PCDHGA1: variants seen among roughly 807,000 people sequenced by gnomAD.
PCDHGA1 encodes the protein protocadherin gamma-A1.
A neutral mutation model predicts 58.0 loss-of-function variants in PCDHGA1; 32 were observed. That is an observed-to-expected ratio of 0.55 (90% CI 0.42 to 0.74). The LOEUF is 0.74. Among genes scored for constraint, PCDHGA1 ranks in the 30% least tolerant of loss-of-function variants. The pLI, the probability that PCDHGA1 is intolerant of heterozygous loss-of-function variation, is 0.00. For missense variants in PCDHGA1, 1,205 were observed against 1,182.3 expected, an observed-to-expected ratio of 1.02 and a Z score of -0.28; for synonymous variants, 498 against 501.1, an observed-to-expected ratio of 0.99 and a Z score of 0.08.
At chr5:141,492,673 C>T (rs2099743035) in intron 1 of PCDHGA1, among the ~76,000 whole-genome samples, 1 of 152,250 alleles carries the variant, frequency 6.6e-6, no homozygotes, top group Non-Finnish European at 1.5e-5. Flanking sequence ...GGGACTCCGT[C>T]TCAAGGGTCG....
chr5:141,366,097 C>A lies in PCDHGA1; in HGVS notation c.2421+32992C>A, dbSNP rs757003836. 4.3e-6 allele frequency: 7 copies of A among 1,614,240 alleles called. No homozygotes were observed. The Admixed American group carries it at 5.0e-5, about 12-fold the overall frequency. On this transcript the variant is annotated intron_variant, in intron 1 of 3. Coordinates refer to ENST00000517417, the MANE Select transcript of PCDHGA1 (RefSeq NM_018912.3). ...CCGCAGAACCTGGCTACCTGGTGAC[C>A]AAGGTGGTAGCGGTGGACAAAGATT...
rs1247382831 is a variant in PCDHGA1 at position 141,388,673 on chromosome 5, G to A, written c.2421+55568G>A. On this transcript the variant is annotated intron_variant, in intron 1 of 3. Transcript: ENST00000517417. ...TGTACCCGGGGACCACGGTGCTACA[G>A]GTGACTGCCACGGACCAGGATGAGG... The A allele has an allele frequency of 2.5e-6, 4 of 1,613,942 alleles. No homozygotes were observed. In the South Asian group the frequency reaches 3.3e-5, roughly 13 times the overall value.
chr5:141,478,327 A>G lies in PCDHGA1; in HGVS notation c.2422-16480A>G, dbSNP rs149317962. The G allele has an allele frequency of 9.9e-6, 16 of 1,613,974 alleles. No homozygotes were observed. The African/African-American group carries it at 2.0e-4, about 20-fold the overall frequency. The stretch of plus-strand genomic sequence containing the variant: ...CCCCGGTGAGCTCACTGTACCGAAC[A>G]CCAGGGCCCTCCTTGCACGCGGACG... On this transcript the variant is annotated intron_variant, in intron 1 of 3. Transcript: ENST00000517417.
At position 141,330,799 on chromosome 5, in the gene PCDHGA1, A is replaced by G; in HGVS notation, c.115A>G (p.Thr39Ala). 6.2e-7 allele frequency: 1 copy of G among 1,614,174 alleles called. No individual in the cohort carries two copies. Among genetic ancestry groups the G allele is most frequent in the South Asian group, 1.1e-5 (1 of 91,076 alleles). The stretch of plus-strand genomic sequence containing the variant: ...TATTCACTACTCAGTGCCGGAAGAG[A>G]CAGACAAAGGTTCCTTCGTAGGCAA... ...GNIHYSVPEE[T>A]DKGSFVGNIA... Residue 39 changes from threonine to alanine, a missense_variant, in exon 1 of 4, where the codon ACA becomes GCA. Thr to Ala is a moderately conservative substitution (Grantham distance 58). Transcript: ENST00000517417.
At chr5:141,351,916 T>G (rs372459324) in intron 1 of PCDHGA1, 3 of 1,613,380 alleles carry the variant, frequency 1.9e-6, no homozygotes, top group Non-Finnish European at 2.5e-6. Flanking sequence ...GCGACCTCAA[T>G]GACAATGCGC....
chr5:141,351,134 C>T (rs867124359), intron 1 of PCDHGA1: 1 of 1,614,022 alleles, frequency 6.2e-7, no homozygotes, highest in South Asian at 1.1e-5. Context: ...CAATCTCAAT[C>T]CAAATACTGG....
At chr5:141,478,808 T>C in intron 1 of PCDHGA1, 1 of 1,459,124 alleles carries the variant, frequency 6.9e-7, no homozygotes, top group African/African-American at 1.4e-5. Flanking sequence ...TCTTTTGCTA[T>C]CACAACTAAC....
At chr5:141,346,600 G>T in intron 1 of PCDHGA1, 1 of 1,285,240 alleles carries the variant, frequency 7.8e-7, no homozygotes, top group South Asian at 1.5e-5. Flanking sequence ...CTTTCTTTCT[G>T]GGCCTATAGT....
chr5:141,388,453 A>G (rs556619446), intron 1 of PCDHGA1: 1 of 1,613,846 alleles, frequency 6.2e-7, no homozygotes, highest in East Asian at 2.2e-5. Flanking sequence ...GATGGCAGTA[A>G]ATACCCTGAG....
At chr5:141,448,247 A>G (rs1449158776) in intron 1 of PCDHGA1, among the ~76,000 whole-genome samples, 1 of 152,104 alleles carries the variant, frequency 6.6e-6, no homozygotes, top group Non-Finnish European at 1.5e-5. Flanking sequence ...TTTGCACAAC[A>G]GGATCATTTT....
intron 1 of PCDHGA1, among the ~76,000 whole-genome samples, chr5:141,449,714 A>G (rs1188830159): frequency 2.6e-5 from 4 of 151,334 alleles, no homozygotes; most frequent in African/African-American, 7.3e-5. Flanking sequence ...CATTATTTTT[A>G]TATGATATGA....
chr5:141,428,341 C>T, intron 1 of PCDHGA1: 1 of 602,086 alleles, frequency 1.7e-6, no homozygotes, highest in Non-Finnish European at 3.0e-6. Flanking sequence ...GCTCTTCTTC[C>T]TCGCAGTGAT....
chr5:141,400,221 C>G (rs377228541), intron 1 of PCDHGA1: 1 of 1,614,060 alleles, frequency 6.2e-7, no homozygotes, highest in Non-Finnish European at 8.5e-7. Flanking sequence ...TCTCAGTGCT[C>G]TTCCTCCTGG....
At chr5:141,390,882 G>A (rs892294372) in intron 1 of PCDHGA1, 2 of 152,824 alleles carry the variant, frequency 1.3e-5, no homozygotes, top group Non-Finnish European at 2.9e-5. Flanking sequence ...GTGTGTGTGT[G>A]TGTGTGAGAG....
chr5:141,375,516 A>G (rs757383072), intron 1 of PCDHGA1: 1 of 1,613,900 alleles, frequency 6.2e-7, no homozygotes, highest in East Asian at 2.2e-5. Flanking sequence ...AATGCACTGG[A>G]CCCTGACGTG....
intron 1 of PCDHGA1, chr5:141,373,780 T>A (rs1403034903): frequency 7.2e-6 from 2 of 277,114 alleles, no homozygotes; most frequent in Non-Finnish European, 1.3e-5. Flanking sequence ...CTCTGCAGAT[T>A]TAGCAGAAAT....
At chr5:141,428,286 A>G in intron 1 of PCDHGA1, 1 of 730,462 alleles carries the variant, frequency 1.4e-6, no homozygotes, top group Non-Finnish European at 2.4e-6. Flanking sequence ...ATTCCCAAGC[A>G]AAGCTGCAGA....
At chr5:141,418,746 A>G in intron 1 of PCDHGA1, 1 of 1,613,974 alleles carries the variant, frequency 6.2e-7, no homozygotes, top group Non-Finnish European at 8.5e-7. Context: ...TCTCTGGATT[A>G]CACTACAGGA....
intron 1 of PCDHGA1, chr5:141,375,727 G>T (rs1771811677): frequency 6.2e-7 from 1 of 1,614,262 alleles, no homozygotes; most frequent in East Asian, 2.2e-5. Flanking sequence ...ACGTGTCACT[G>T]AGCCTGTTTG....
Sources: gnomAD v4.1 joint callset for allele counts (sites outside exome capture counted in the v4.1 genomes callset) on GRCh38, gnomAD v4.1.1 for gene constraint, MANE v1.5 for transcripts, NCBI Gene and HGNC (gene_info 2026-07-23, HGNC 2026-07-21) for gene names.